INSYN2A: variants seen among roughly 807,000 people sequenced by gnomAD.
INSYN2A encodes the protein family with sequence similarity 196 member A.
INSYN2A carries 17 observed loss-of-function variants against 39.4 expected under a neutral mutation model. The ratio of observed to expected loss-of-function variants is 0.43; its 90% CI spans 0.30 to 0.65. The LOEUF (loss-of-function observed/expected upper bound fraction) is 0.65. Among genes scored for constraint, INSYN2A ranks in the 30% least tolerant of loss-of-function variants. The pLI is 0.14. For synonymous variants in INSYN2A, 255 were observed against 265.7 expected, an observed-to-expected ratio of 0.96 and a Z score of 0.39; for missense variants, 595 against 631.2, an observed-to-expected ratio of 0.94 and a Z score of 0.61.
intron 2 of INSYN2A, among the ~76,000 whole-genome samples, chr10:127,192,247 A>T (rs2056810430): frequency 6.6e-6 from 1 of 152,218 alleles, no homozygotes; most frequent in Non-Finnish European, 1.5e-5. Context: ...TCAGTGCTCT[A>T]TAAAATAAAT....
At chr10:127,194,699 C>A (rs1283021965) in intron 1 of INSYN2A, among the ~76,000 whole-genome samples, 2 of 152,136 alleles carry the variant, frequency 1.3e-5, no homozygotes, top group South Asian at 2.1e-4. Flanking sequence ...GAAAGGTAAC[C>A]CTCTAGCAAG....
intron 4 of INSYN2A, among the ~76,000 whole-genome samples, chr10:127,170,507 T>C (rs1392188454): frequency 1.3e-5 from 2 of 152,240 alleles, no homozygotes; most frequent in African/African-American, 2.4e-5. Context: ...AGAGTATCAT[T>C]AGGCTGTCAC....
intron 5 of INSYN2A, among the ~76,000 whole-genome samples, chr10:127,144,961 AG>A (rs1181759928): frequency 9.9e-5 from 15 of 151,176 alleles, no homozygotes; most frequent in Non-Finnish European, 1.5e-4. Flanking sequence ...TTTTTAAAAA[AG>A]CATTAGCCAG....
rs1564869933 is a variant in INSYN2A at position 127,175,510 on chromosome 10, C to CT, written c.885_886insA (p.Gly296ArgfsTer24). On this transcript the variant is annotated frameshift_variant, in exon 4 of 6. Coordinates refer to ENST00000522781, the MANE Select transcript of INSYN2A (RefSeq NM_001039762.3). LOFTEE classifies it high-confidence loss of function. The surrounding 1 kb of genome is among the most constrained non-coding windows in gnomAD (Gnocchi z 6.3). ...GCAGTTTCCGAGGGCGCCTGGAGCC[C>CT]GTTGAGATGTGTGGCTCTCCTCCGC... 4.4e-6 allele frequency: 7 copies of CT among 1,609,058 alleles called. No individual in the cohort carries two copies. Among genetic ancestry groups the CT allele is most frequent in the Non-Finnish European group, 5.9e-6 (7 of 1,180,008 alleles).
Position 127,175,691 on chromosome 10 carries a change from T to C in INSYN2A, c.705A>G (p.Pro235=). The C allele has an allele frequency of 6.2e-7, 1 of 1,613,882 alleles. No individual in the cohort carries two copies. The highest frequency in any genetic ancestry group is 8.5e-7 in the Non-Finnish European group (1 of 1,179,976). ...LGRAKQDRGR[P]NSEEPAPPAL... Reference sequence around the variant, plus strand: ...CAGGTGGAGCGGGCTCCTCGGAGTTTGGCCTCCCCCGGTCCTGCTTGGCCC... The same window carrying C: ...CAGGTGGAGCGGGCTCCTCGGAGTTCGGCCTCCCCCGGTCCTGCTTGGCCC... The change falls in exon 4 of 6, where the codon CCA becomes CCG. Residue 235 remains proline (P), a synonymous_variant. Coordinates refer to ENST00000522781, the MANE Select transcript of INSYN2A (RefSeq NM_001039762.3). This position sits in a 1 kb window ranked among gnomAD's most constrained non-coding sequence, Gnocchi z 6.3.
intron 2 of INSYN2A, among the ~76,000 whole-genome samples, chr10:127,186,458 G>C (rs751057334): frequency 2.3e-5 from 3 of 130,866 alleles, no homozygotes; most frequent in Non-Finnish European, 4.6e-5. Flanking sequence ...ACAACCATCA[G>C]ATCTCCTGCG....
intron 2 of INSYN2A, among the ~76,000 whole-genome samples, chr10:127,178,060 C>T (rs1365218562): frequency 1.3e-5 from 2 of 152,128 alleles, no homozygotes; most frequent in Admixed American, 6.5e-5. Context: ...GTTAGCATGA[C>T]AGGCCGAGGT....
chr10:127,184,962 T>C (rs2056092588), intron 2 of INSYN2A, among the ~76,000 whole-genome samples: 1 of 152,138 alleles, frequency 6.6e-6, no homozygotes, highest in Non-Finnish European at 1.5e-5. Flanking sequence ...TCTTTGGCAG[T>C]GTCTAGTCCA....
Position 127,175,776 on chromosome 10 carries a change from G to C in INSYN2A, c.620C>G (p.Ala207Gly). The C allele has an allele frequency of 6.2e-7, 1 of 1,614,150 alleles. No individual in the cohort carries two copies. Among genetic ancestry groups the C allele is most frequent in the Admixed American group, 1.7e-5 (1 of 60,020 alleles). ...KSPEPLSYGE[A>G]ALQNSTRPPS... ...AGGCCGAGTGGAGTTTTGGAGCGCA[G>C]CTTCTCCATAGCTGAGCGGCTCCGG... is the stretch of plus-strand genomic sequence containing the variant. The change falls in exon 4 of 6, where the codon GCT (alanine) becomes GGT (glycine). Residue 207 changes from alanine to glycine, a missense_variant. Ala to Gly is a moderately conservative substitution (Grantham distance 60, BLOSUM62 0). Around this residue, in one of 2 missense-constraint regions of INSYN2A, gnomAD observed 478 missense variants for 467.4 expected, o/e 1.02. Coordinates refer to ENST00000522781, the MANE Select transcript of INSYN2A (RefSeq NM_001039762.3). The surrounding 1 kb of genome is among the most constrained non-coding windows in gnomAD (Gnocchi z 6.3).
rs2057144840 is a variant in INSYN2A, at chr10:127,196,330, T to G, written c.-728A>C. ...CTCCGGGGACGCCCGCGCGCTCGCT[T>G]GCTCGCGACGCGGCGGAGCCAGCCA... On this transcript the variant is annotated 5_prime_UTR_variant, in exon 1 of 6. Transcript: ENST00000522781. Among the ~76,000 whole-genome samples the G allele has an allele frequency of 6.7e-6, 1 of 148,752 alleles. No homozygotes were observed. The highest frequency in any genetic ancestry group is 6.7e-5 in the Admixed American group (1 of 14,952).
chr10:127,152,327 C>T lies in INSYN2A; in HGVS notation c.1256+1525G>A, dbSNP rs187889092. On this transcript the variant is annotated intron_variant, in intron 5 of 5. Coordinates refer to ENST00000522781, the MANE Select transcript of INSYN2A (RefSeq NM_001039762.3). ...AAAGTTTCCCATTAAGCAAACTTCT[C>T]TGATCTGTTGCTATCATTGAGTTTC... Among the ~76,000 whole-genome samples the T allele has an allele frequency of 2.5e-3, 377 of 152,336 alleles. 1 individual carries two copies. The highest frequency in any genetic ancestry group is 8.8e-3 in the African/African-American group (366 of 41,592).
chr10:127,146,347 A>G (rs901487996), intron 5 of INSYN2A, among the ~76,000 whole-genome samples: 1 of 152,224 alleles, frequency 6.6e-6, no homozygotes, highest in Non-Finnish European at 1.5e-5. Flanking sequence ...TAGCATCTAA[A>G]TAAGAGAATT....
intron 4 of INSYN2A, among the ~76,000 whole-genome samples, chr10:127,170,579 G>A (rs930979487): frequency 4.6e-5 from 7 of 152,194 alleles, no homozygotes; most frequent in African/African-American, 1.2e-4. Flanking sequence ...GGCAAAGAGC[G>A]CTGTCGGGGT....
chr10:127,160,545 C>G (rs1195196917), intron 4 of INSYN2A, among the ~76,000 whole-genome samples: 1 of 152,162 alleles, frequency 6.6e-6, no homozygotes, highest in Non-Finnish European at 1.5e-5. Flanking sequence ...AATTTTCAGC[C>G]AGTTCAGAGC....
chr10:127,195,796 C>T (rs918120620), intron 1 of INSYN2A, among the ~76,000 whole-genome samples: 7 of 152,158 alleles, frequency 4.6e-5, no homozygotes, highest in Non-Finnish European at 8.8e-5. Context: ...CCTTGCCCCC[C>T]ACCTGCGACC....
chr10:127,158,794 A>G (rs1267082438), intron 4 of INSYN2A, among the ~76,000 whole-genome samples: 1 of 152,230 alleles, frequency 6.6e-6, no homozygotes, highest in Non-Finnish European at 1.5e-5. Flanking sequence ...GTATCGTCCC[A>G]TGGCAGTTAG....
intron 4 of INSYN2A, among the ~76,000 whole-genome samples, chr10:127,164,023 C>T (rs1250122883): frequency 6.6e-6 from 1 of 151,968 alleles, no homozygotes; most frequent in Non-Finnish European, 1.5e-5. Flanking sequence ...GGTAACAATG[C>T]TGGTGGATCG....
intron 2 of INSYN2A, among the ~76,000 whole-genome samples, chr10:127,183,530 C>A (rs1222343745): frequency 6.6e-6 from 1 of 152,146 alleles, no homozygotes; most frequent in Non-Finnish European, 1.5e-5. Context: ...AAGCTGATAG[C>A]CAAATGTAGA....
At chr10:127,173,458 G>A (rs1034757570) in intron 4 of INSYN2A, among the ~76,000 whole-genome samples, 1 of 152,260 alleles carries the variant, frequency 6.6e-6, no homozygotes, top group East Asian at 1.9e-4. Context: ...GTAAGAAGGC[G>A]CTCCCATATA....
Sources: allele counts gnomAD v4.1 joint callset (sites outside exome capture counted in the v4.1 genomes callset), GRCh38; gene constraint gnomAD v4.1.1; regional missense constraint gnomAD v4.1.1; non-coding constraint Gnocchi (gnomAD v3.1); transcripts MANE v1.5; gene names NCBI Gene and HGNC (gene_info 2026-07-23, HGNC 2026-07-21).